The following VPS13B variants were observed in gnomAD, a reference collection of about 807,000 sequenced individuals.
The protein encoded by VPS13B is vacuolar protein sorting 13 homolog B, also known as intermembrane lipid transfer protein VPS13B.
Under a neutral mutation model 426.4 loss-of-function variants are expected in VPS13B, and 285 were observed. The ratio of observed to expected loss-of-function variants is 0.67; its 90% confidence interval spans 0.61 to 0.74. The LOEUF (loss-of-function observed/expected upper bound fraction) is 0.74. Ranked by LOEUF, VPS13B falls within the 30% of genes least tolerant of loss-of-function variation. VPS13B has a pLI of 0.00. For missense variants in VPS13B, 4,537 were observed against 4,782.6 expected (o/e 0.95, Z 1.51); for synonymous variants, 1,676 against 1,676.4 (o/e 1.00, Z 0.01).
chr8:99,696,764 G>A, intron 35 of VPS13B: 2 of 1,378,246 alleles, frequency 1.5e-6, no homozygotes, highest in South Asian at 2.3e-5. Context: ...CAGCAATGAG[G>A]AAATCATGCG....
Position 99,044,528 on chromosome 8 carries a change from G to T in VPS13B, c.291+5962G>T, listed in dbSNP as rs1346939773. On this transcript the variant is annotated intron_variant, in intron 3 of 61. Coordinates refer to ENST00000357162, the MANE Select transcript of VPS13B (RefSeq NM_152564.5). ...TTTTTTATTTCTATAGGTTATTGGG[G>T]AACAGGTGGTGTTTGGTTACATGAG... Among the ~76,000 whole-genome samples, 3 of 151,562 alleles carry T rather than the reference G, an allele frequency of 2.0e-5. No homozygotes were observed. In the South Asian group the frequency reaches 6.2e-4, roughly 31 times the overall value.
At chr8:99,484,167 TAAGA>T (rs1440509874) in intron 25 of VPS13B, among the ~76,000 whole-genome samples, 3 of 152,090 alleles carry the variant, frequency 2.0e-5, no homozygotes, top group African/African-American at 4.8e-5. Context: ...GTGAAGAAGT[TAAGA>T]AAGGGGAAAA....
intron 49 of VPS13B, among the ~76,000 whole-genome samples, 191 bp from the exon 50 acceptor site, chr8:99,821,103 A>AACACAC (rs755074579): frequency 0.025 from 1,961 of 78,286 alleles, 57 homozygotes; most frequent in African/African-American, 0.036. Context: ...GTCATTACAA[A>AACACAC]ACACACACAC....
intron 33 of VPS13B, among the ~76,000 whole-genome samples, chr8:99,602,072 C>T (rs1360188949): frequency 2.6e-5 from 4 of 152,072 alleles, no homozygotes; most frequent in African/African-American, 9.7e-5. Context: ...AAGTCTTTGC[C>T]CATGCCTATG....
chr8:99,470,251 C>T (rs1819334973), intron 24 of VPS13B, among the ~76,000 whole-genome samples: 1 of 152,096 alleles, frequency 6.6e-6, no homozygotes, highest in Admixed American at 6.5e-5. Flanking sequence ...CCTATCTTTC[C>T]TACTGATTAT....
intron 14 of VPS13B, among the ~76,000 whole-genome samples, chr8:99,150,025 T>C (rs1344944956): frequency 6.6e-6 from 1 of 152,130 alleles, no homozygotes; most frequent in East Asian, 1.9e-4. Flanking sequence ...ATCATAGAAA[T>C]AAAAAGTGTC....
chr8:99,696,898 A>T, intron 35 of VPS13B: 2 of 767,020 alleles, frequency 2.6e-6, no homozygotes, highest in East Asian at 2.5e-5. Context: ...GTTCCAGCTC[A>T]CCATGTGACT....
At chr8:99,271,212 CTA>C (rs1818579282) in intron 17 of VPS13B, among the ~76,000 whole-genome samples, 2 of 146,974 alleles carry the variant, frequency 1.4e-5, no homozygotes, top group South Asian at 4.3e-4. Context: ...ACTACTACTA[CTA>C]CTACTACTAC....
At chr8:99,389,876 A>G (rs1452821005) in intron 20 of VPS13B, among the ~76,000 whole-genome samples, 2 of 152,164 alleles carry the variant, frequency 1.3e-5, no homozygotes, top group African/African-American at 4.8e-5. Flanking sequence ...ACTAAATATT[A>G]GAGTATAAGA....
At chr8:99,621,654 GT>G (rs1450000739) in intron 33 of VPS13B, among the ~76,000 whole-genome samples, 3 of 152,062 alleles carry the variant, frequency 2.0e-5, no homozygotes, top group Non-Finnish European at 2.9e-5. Context: ...TGTAAGATAA[GT>G]TATTTTTGTA....
intron 40 of VPS13B, among the ~76,000 whole-genome samples, chr8:99,774,026 G>A (rs1320902472): frequency 6.6e-6 from 1 of 151,992 alleles, no homozygotes; most frequent in African/African-American, 2.4e-5. Context: ...TAGTCCTATT[G>A]TACTTAGATC....
intron 33 of VPS13B, among the ~76,000 whole-genome samples, chr8:99,595,154 A>C (rs752975639): frequency 6.3e-4 from 96 of 151,908 alleles, no homozygotes; most frequent in Non-Finnish European, 1.0e-3. Flanking sequence ...TGAGTGCCCT[A>C]TATTTTTTTG....
At chr8:99,689,958 C>T (rs183155273) in intron 35 of VPS13B, among the ~76,000 whole-genome samples, 12 of 152,248 alleles carry the variant, frequency 7.9e-5, no homozygotes, top group Admixed American at 4.6e-4. Flanking sequence ...GTTTCAGGAT[C>T]GAACATCTGA....
At chr8:99,577,772 A>C (rs1485283099) in intron 33 of VPS13B, 139 bp downstream of exon 33, 4 of 1,157,166 alleles carry the variant, frequency 3.5e-6, no homozygotes, top group South Asian at 1.4e-5. Flanking sequence ...GTCATAAGTC[A>C]TTTTGGATTG....
At chr8:99,640,704 T>C (rs1829324309) in intron 33 of VPS13B, among the ~76,000 whole-genome samples, 3 of 152,236 alleles carry the variant, frequency 2.0e-5, no homozygotes, top group African/African-American at 7.2e-5. Context: ...TGAAATGTTA[T>C]GCAGCTTTAA....
chr8:99,624,009 T>TATA (rs58273802), intron 33 of VPS13B, among the ~76,000 whole-genome samples: 579 of 61,072 alleles, frequency 9.5e-3, no homozygotes, highest in African/African-American at 0.033. Flanking sequence ...ATATATATAT[T>TATA]TTTTTTTTTT....
chr8:99,035,069 A>G (rs1007840689), intron 2 of VPS13B, among the ~76,000 whole-genome samples: 3 of 149,618 alleles, frequency 2.0e-5, no homozygotes, highest in Non-Finnish European at 4.5e-5. Flanking sequence ...GGTGACGTGC[A>G]TATAATCCTA....
intron 30 of VPS13B, among the ~76,000 whole-genome samples, chr8:99,551,375 A>G (rs1201500350): frequency 8.6e-5 from 13 of 151,978 alleles, no homozygotes; most frequent in Non-Finnish European, 2.9e-5. Flanking sequence ...TCTGTGCCCT[A>G]AAGTTTTAGG....
At chr8:99,473,700 A>G (rs1819533787) in intron 24 of VPS13B, among the ~76,000 whole-genome samples, 1 of 152,204 alleles carries the variant, frequency 6.6e-6, no homozygotes, top group Admixed American at 6.5e-5. Flanking sequence ...AGATATAAAG[A>G]TAAGAAATGA....
Sources: gnomAD v4.1 joint callset for allele counts (sites outside exome capture counted in the v4.1 genomes callset) on GRCh38, gnomAD v4.1.1 for gene constraint, MANE v1.5 for transcripts, NCBI Gene and HGNC (gene_info 2026-07-23, HGNC 2026-07-21) for gene names.